ANO10: variants seen among roughly 807,000 people sequenced by gnomAD.
ANO10 encodes anoctamin 10.
Under a neutral mutation model 74.7 loss-of-function variants are expected in ANO10, and 77 were observed. The ratio of observed to expected loss-of-function variants is 1.03; its 90% CI spans 0.86 to 1.25. The LOEUF (loss-of-function observed/expected upper bound fraction) is 1.25, where lower values mean the gene tolerates loss of function less well. Among genes scored for constraint, ANO10 ranks in the 50% most tolerant of loss-of-function variants. The pLI, the probability that ANO10 is intolerant of heterozygous loss-of-function variation, is 0.00. For missense variants in ANO10, 721 were observed against 778.1 expected (o/e 0.93, Z 0.87); for synonymous variants, 279 against 284.9 (o/e 0.98, Z 0.21).
rs1489809344 is a variant in ANO10, at chr3:43,561,384, T to C, written c.1312A>G (p.Ile438Val). The C allele has an allele frequency of 1.2e-6, 2 of 1,614,068 alleles. No individual in the cohort carries two copies. Among genetic ancestry groups the C allele is most frequent in the Non-Finnish European group, 1.7e-6 (2 of 1,180,002 alleles). Residue 438 changes from isoleucine to valine, a missense_variant, in exon 9 of 13, where the codon ATT becomes GTT. By Grantham distance (29) the Ile-to-Val change is conservative. Coordinates refer to ENST00000292246, the MANE Select transcript of ANO10 (RefSeq NM_018075.5). ...ATTTGGTTGAGGATCTGGGAGGTAA[T>C]TAGGAGAGTGGCCAAGCTCTAAAGA... ...LLRQSLATLLITSQILNQIME... is the reference protein window; with the variant it reads ...LLRQSLATLLVTSQILNQIME...
chr3:43,616,534 A>G (rs1245254427), intron 1 of ANO10, among the ~76,000 whole-genome samples: 1 of 152,192 alleles, frequency 6.6e-6, no homozygotes, highest in African/African-American at 2.4e-5. Context: ...TTAAGCAATG[A>G]GAATCATGTA....
chr3:43,671,599 G>C (rs1048459320), intron 1 of ANO10, among the ~76,000 whole-genome samples: 1 of 152,052 alleles, frequency 6.6e-6, no homozygotes, highest in Non-Finnish European at 1.5e-5. Flanking sequence ...CAATAAAAAT[G>C]AAACAGTTTA....
At chr3:43,559,674 G>C (rs1170988659) in intron 9 of ANO10, among the ~76,000 whole-genome samples, 1 of 152,170 alleles carries the variant, frequency 6.6e-6, no homozygotes, top group East Asian at 1.9e-4. Context: ...ATGGACTGCT[G>C]GTGCAGTTTC....
chr3:43,549,231 T>C (rs2079337695), intron 11 of ANO10, among the ~76,000 whole-genome samples: 2 of 151,864 alleles, frequency 1.3e-5, no homozygotes, highest in Admixed American at 6.6e-5. Context: ...GCCTCCCAAA[T>C]AGCTAGGACT....
At chr3:43,638,022 C>T (rs1575574080) in intron 1 of ANO10, among the ~76,000 whole-genome samples, 1 of 152,098 alleles carries the variant, frequency 6.6e-6, no homozygotes, top group Admixed American at 6.5e-5. Context: ...TCTTCAAATA[C>T]AAGCAGATTA....
At chr3:43,496,721 C>T (rs2149133916) in intron 11 of ANO10, among the ~76,000 whole-genome samples, 1 of 152,176 alleles carries the variant, frequency 6.6e-6, no homozygotes, top group East Asian at 1.9e-4. Flanking sequence ...CCATGTCTCC[C>T]CCTTTCTTCC....
chr3:43,666,561 A>G (rs2083994823), intron 1 of ANO10, among the ~76,000 whole-genome samples: 1 of 152,192 alleles, frequency 6.6e-6, no homozygotes, highest in African/African-American at 2.4e-5. Context: ...CAAGATGGGA[A>G]AGACTATATC....
At chr3:43,504,309 T>C (rs554239864) in intron 11 of ANO10, among the ~76,000 whole-genome samples, 7 of 145,200 alleles carry the variant, frequency 4.8e-5, no homozygotes, top group African/African-American at 1.6e-4. Context: ...GGTAGATAGA[T>C]AGATAGATAG....
chr3:43,554,522 G>C (rs1180981919), intron 10 of ANO10, among the ~76,000 whole-genome samples: 1 of 152,042 alleles, frequency 6.6e-6, no homozygotes, highest in Non-Finnish European at 1.5e-5. Flanking sequence ...TAGAAACCTG[G>C]ACATGTTAGG....
chr3:43,410,243 AT>A, intron 12 of ANO10, among the ~76,000 whole-genome samples: 1 of 151,872 alleles, frequency 6.6e-6, no homozygotes, highest in Non-Finnish European at 1.5e-5. Context: ...TCTCTATGTG[AT>A]TTTATTTATT....
At chr3:43,667,637 TTATG>T (rs1224645164) in intron 1 of ANO10, among the ~76,000 whole-genome samples, 1 of 152,152 alleles carries the variant, frequency 6.6e-6, no homozygotes, top group African/African-American at 2.4e-5. Context: ...TGTATTATTC[TTATG>T]CCTTTGCATC....
chr3:43,397,391 A>G (rs932593695), intron 12 of ANO10, among the ~76,000 whole-genome samples: 1 of 152,190 alleles, frequency 6.6e-6, no homozygotes, highest in African/African-American at 2.4e-5. Context: ...CTAATTGATC[A>G]TGATTCTCCT....
chr3:43,432,824 A>G (rs1293923394), intron 11 of ANO10, 97 bp from the exon 12 acceptor site: 12 of 887,504 alleles, frequency 1.4e-5, no homozygotes, highest in East Asian at 1.0e-4. Context: ...ATTTATATTA[A>G]TCTTGGGTAA....
At chr3:43,646,569 ATGCC>A (rs1024921527) in intron 1 of ANO10, among the ~76,000 whole-genome samples, 33 of 152,030 alleles carry the variant, frequency 2.2e-4, no homozygotes, top group African/African-American at 8.0e-4. Context: ...TCTTGCTCTG[ATGCC>A]CAGGCTGGAG....
chr3:43,548,126 T>C (rs1269592399), intron 11 of ANO10, among the ~76,000 whole-genome samples: 3 of 152,256 alleles, frequency 2.0e-5, no homozygotes, highest in Non-Finnish European at 2.9e-5. Context: ...ATCTTTTTAT[T>C]GTAAATTAAC....
chr3:43,572,598 A>C (rs1559722095), intron 7 of ANO10, among the ~76,000 whole-genome samples: 1 of 152,184 alleles, frequency 6.6e-6, no homozygotes, highest in Non-Finnish European at 1.5e-5. Context: ...ACACAGAAGC[A>C]GGCTGGGTGA....
intron 11 of ANO10, among the ~76,000 whole-genome samples, chr3:43,521,804 A>C (rs1401172993): frequency 3.3e-5 from 5 of 152,194 alleles, no homozygotes; most frequent in Admixed American, 6.5e-5. Context: ...ATATACTCAC[A>C]AGAATTGAAA....
At chr3:43,634,890 T>A (rs1251590438) in intron 1 of ANO10, among the ~76,000 whole-genome samples, 1 of 152,018 alleles carries the variant, frequency 6.6e-6, no homozygotes, top group Admixed American at 6.6e-5. Flanking sequence ...GCTGGTCTGA[T>A]GAAAGGAGAT....
rs777140265 is a variant in ANO10, at chr3:43,387,021, C to T, written c.1915-20047G>A. 7.9e-5 allele frequency among the ~76,000 whole-genome samples: 12 copies of T among 152,170 alleles called. 1 individual carries two copies. Among genetic ancestry groups the T allele is most frequent in the East Asian group, 7.7e-4 (4 of 5,194 alleles). The stretch of plus-strand genomic sequence containing the variant: ...CGTCATACAGTCATATGTCCCTTAA[C>T]GATGGGACACGTTCTGAGAACTGTA... On this transcript the variant is annotated intron_variant, in intron 12 of 12. Coordinates refer to ENST00000292246, the MANE Select transcript of ANO10 (RefSeq NM_018075.5).
Sources: allele counts gnomAD v4.1 joint callset (sites outside exome capture counted in the v4.1 genomes callset), GRCh38; gene constraint gnomAD v4.1.1; transcripts MANE v1.5; gene names NCBI Gene and HGNC (gene_info 2026-07-23, HGNC 2026-07-21).